Variants in PDE1C observed in about 807,000 individuals in gnomAD.
PDE1C encodes the protein dual specificity calcium/calmodulin-dependent 3',5'-cyclic nucleotide phosphodiesterase 1C.
Under a neutral mutation model 93.1 loss-of-function variants are expected in PDE1C, and 62 were observed. That is an observed-to-expected ratio of 0.67 (90% confidence interval 0.54 to 0.82). The LOEUF is 0.82. Among genes scored for constraint, PDE1C ranks in the 40% least tolerant of loss-of-function variants. The pLI, the probability that PDE1C is intolerant of heterozygous loss-of-function variation, is 0.00. For synonymous variants in PDE1C, 325 were observed against 310.1 expected (o/e 1.05, Z -0.50); for missense variants, 742 against 884.6 (o/e 0.84, Z 2.04).
At chr7:32,390,886 A>T (rs980496698) in intron 1 of PDE1C, among the ~76,000 whole-genome samples, 1 of 152,112 alleles carries the variant, frequency 6.6e-6, no homozygotes, top group Non-Finnish European at 1.5e-5. Context: ...TCAAAAAATT[A>T]TAGTAAAATA....
rs1336285144 is a variant in PDE1C at position 32,267,225 on chromosome 7, C to T, written c.85+31426G>A. Among the ~76,000 whole-genome samples, 5 of 152,328 alleles carry T rather than the reference C, an allele frequency of 3.3e-5. No individual in the cohort carries two copies. The East Asian group carries it at 7.7e-4, about 24-fold the overall frequency. ...ACCGGGTCAGAAAGGAATGCAAAGGCCCCCTGGCAGGCTGAGGTTAGGGGA... is the reference window on the plus strand; with the variant it reads ...ACCGGGTCAGAAAGGAATGCAAAGGTCCCCTGGCAGGCTGAGGTTAGGGGA... On this transcript the variant is annotated intron_variant, in intron 1 of 18. Coordinates refer to the PDE1C transcript ENST00000396193.
intron 17 of PDE1C, among the ~76,000 whole-genome samples, chr7:31,758,089 T>C (rs1193198228): frequency 6.6e-6 from 1 of 152,058 alleles, no homozygotes; most frequent in East Asian, 1.9e-4. Flanking sequence ...TAGGTGGGAA[T>C]TGAACAATGA....
At chr7:32,174,040 T>G (rs2128807859) in intron 2 of PDE1C, among the ~76,000 whole-genome samples, 1 of 152,284 alleles carries the variant, frequency 6.6e-6, no homozygotes, top group Non-Finnish European at 1.5e-5. Flanking sequence ...AGACAGCTTT[T>G]TTTGTTTTTT....
intron 11 of PDE1C, among the ~76,000 whole-genome samples, chr7:31,835,166 C>T (rs771240302): frequency 6.6e-6 from 1 of 152,186 alleles, no homozygotes; most frequent in Non-Finnish European, 1.5e-5. Flanking sequence ...AATTAAACCT[C>T]TTCCCTTTAT....
chr7:32,225,395 C>T (rs10233473), intron 1 of PDE1C, among the ~76,000 whole-genome samples: 43,742 of 151,990 alleles, frequency 0.29, 6,817 homozygotes, highest in East Asian at 0.42. Flanking sequence ...CACACACTCA[C>T]AGCCCCTAAC....
At chr7:32,260,695 C>T (rs533408024) in intron 1 of PDE1C, among the ~76,000 whole-genome samples, 3 of 152,196 alleles carry the variant, frequency 2.0e-5, no homozygotes, top group Non-Finnish European at 4.4e-5. Flanking sequence ...GGGCATAGGC[C>T]GAACTAACTT....
chr7:32,286,410 C>T (rs972333208), intron 1 of PDE1C, among the ~76,000 whole-genome samples: 20 of 152,196 alleles, frequency 1.3e-4, no homozygotes, highest in African/African-American at 4.1e-4. Context: ...TGAGCTAGTG[C>T]TTACAAAGCC....
chr7:32,118,254 G>C (rs1169465920), intron 3 of PDE1C, among the ~76,000 whole-genome samples: 2 of 152,142 alleles, frequency 1.3e-5, no homozygotes, highest in African/African-American at 4.8e-5. Context: ...GTCCCAAAAG[G>C]AACATCTGTG....
At chr7:31,862,149 CAG>C (rs1794761872) in intron 7 of PDE1C, among the ~76,000 whole-genome samples, 1 of 152,216 alleles carries the variant, frequency 6.6e-6, no homozygotes, top group South Asian at 2.1e-4. Flanking sequence ...ATACTATCTC[CAG>C]AGAGAGTCCT....
At chr7:32,309,321 CTCTGCAGGATATTA>C (rs1251876668) in intron 1 of PDE1C, among the ~76,000 whole-genome samples, 2 of 152,220 alleles carry the variant, frequency 1.3e-5, no homozygotes, top group African/African-American at 2.4e-5. Context: ...TTGGAAAACA[CTCTGCAGGATATTA>C]TCCAGGAGAA....
intron 2 of PDE1C, among the ~76,000 whole-genome samples, chr7:32,176,496 T>C (rs1802995089): frequency 1.3e-5 from 2 of 151,422 alleles, no homozygotes; most frequent in Non-Finnish European, 2.9e-5. Flanking sequence ...TTTTGAATAA[T>C]GTAAATGTTT....
At chr7:32,017,831 C>G (rs1788110609) in intron 2 of PDE1C, among the ~76,000 whole-genome samples, 1 of 152,130 alleles carries the variant, frequency 6.6e-6, no homozygotes, top group African/African-American at 2.4e-5. Flanking sequence ...GTAATCCCAG[C>G]ACTTTGGGAG....
At chr7:32,058,825 T>A (rs750724862) in intron 1 of PDE1C, among the ~76,000 whole-genome samples, 6 of 151,974 alleles carry the variant, frequency 3.9e-5, no homozygotes, top group African/African-American at 7.3e-5. Flanking sequence ...GATAATAGAG[T>A]AAGAGAATCT....
chr7:31,688,313 T>C, the PDE1C span, among the ~76,000 whole-genome samples: 1 of 152,240 alleles, frequency 6.6e-6, no homozygotes, highest in Non-Finnish European at 1.5e-5. Flanking sequence ...CAGCCAAACG[T>C]TGGCTTCTAC....
chr7:32,337,292 G>A (rs909510428), intron 1 of PDE1C, among the ~76,000 whole-genome samples: 3 of 152,120 alleles, frequency 2.0e-5, no homozygotes, highest in Non-Finnish European at 2.9e-5. Context: ...AGGCAGACAC[G>A]TACCCTGAAG....
chr7:31,890,329 A>G (rs1318245716), intron 2 of PDE1C, among the ~76,000 whole-genome samples: 3 of 152,228 alleles, frequency 2.0e-5, no homozygotes, highest in Non-Finnish European at 4.4e-5. Context: ...CCACTTCAAC[A>G]TCTGTCTTAA....
intron 1 of PDE1C, among the ~76,000 whole-genome samples, chr7:32,400,546 T>C (rs553844186): frequency 6.6e-6 from 1 of 152,270 alleles, no homozygotes; most frequent in African/African-American, 2.4e-5. Context: ...AGGAAACCAG[T>C]TTAATTTCGT....
chr7:31,644,019 A>G, the PDE1C span: 1 of 1,428,594 alleles, frequency 7.0e-7, no homozygotes, highest in East Asian at 2.3e-5. Flanking sequence ...CAGGGATAAT[A>G]TTCAGACTTC....
the PDE1C span, among the ~76,000 whole-genome samples, chr7:31,731,668 G>T: frequency 6.6e-6 from 1 of 152,162 alleles, no homozygotes; most frequent in Non-Finnish European, 1.5e-5. Context: ...GATGACAGGC[G>T]TGAGCCACTG....
Sources: allele counts gnomAD v4.1 joint callset (sites outside exome capture counted in the v4.1 genomes callset), GRCh38; gene constraint gnomAD v4.1.1; transcripts MANE v1.5; gene names NCBI Gene and HGNC (gene_info 2026-07-23, HGNC 2026-07-21).